GSTA4: variants seen among roughly 807,000 people sequenced by gnomAD.
The protein encoded by GSTA4 is glutathione S-transferase alpha 4.
Under a neutral mutation model 24.4 loss-of-function variants are expected in GSTA4, and 15 were observed. That is an observed-to-expected ratio of 0.61 (90% CI 0.41 to 0.95). GSTA4 has a LOEUF of 0.95. Ranked by LOEUF, GSTA4 falls within the 40% of genes least tolerant of loss-of-function variation. GSTA4 has a pLI of 0.00. For missense variants in GSTA4, 244 were observed against 262.1 expected (o/e 0.93, Z 0.48); for synonymous variants, 92 against 94.2 (o/e 0.98, Z 0.13).
At chr6:52,979,847 C>T (rs768103985) in intron 6 of GSTA4, among the ~76,000 whole-genome samples, 7 of 152,182 alleles carry the variant, frequency 4.6e-5, no homozygotes, top group Non-Finnish European at 1.0e-4. Flanking sequence ...TTAAGCTCTA[C>T]TTGTATGATT....
intron 2 of GSTA4, chr6:52,987,725 A>G (rs1763590265): frequency 4.2e-6 from 1 of 239,308 alleles, no homozygotes; most frequent in East Asian, 1.1e-4. Context: ...CTAGTGTTCG[A>G]TAGTACAGTA....
At position 52,978,565 on chromosome 6, in the gene GSTA4, G is replaced by C; in HGVS notation, c.574C>G (p.Pro192Ala). ...GGTTCAAGGAATCTCTTAATTGTAG[G>C]GATATTACTTAGTTTCACTGTGTAT... ...QEYTVKLSNI[P>A]TIKRFLEPGS... Residue 192 changes from proline (P) to alanine (A), a missense_variant, in exon 7 of 7, where the codon CCT (proline) becomes GCT (alanine). By Grantham distance (27) the Pro-to-Ala change is conservative. Coordinates refer to ENST00000370963, the MANE Select transcript of GSTA4 (RefSeq NM_001512.4). 6.2e-7 allele frequency: 1 copy of C among 1,609,742 alleles called. No homozygotes were observed. Among genetic ancestry groups the C allele is most frequent in the Middle Eastern group, 1.7e-4 (1 of 6,060 alleles).
At chr6:52,990,267 AG>A (rs1452950254) in intron 2 of GSTA4, among the ~76,000 whole-genome samples, 21 of 152,352 alleles carry the variant, frequency 1.4e-4, no homozygotes, top group African/African-American at 5.0e-4. Flanking sequence ...TTAGTGACCT[AG>A]TTACTCAGAT....
At chr6:52,986,080 T>C (rs1763550781) in intron 3 of GSTA4, among the ~76,000 whole-genome samples, 1 of 152,134 alleles carries the variant, frequency 6.6e-6, no homozygotes, top group South Asian at 2.1e-4. Flanking sequence ...CTAGCATTGT[T>C]ATAAACGTTC....
chr6:52,992,809 A>T (rs191688158), intron 2 of GSTA4, among the ~76,000 whole-genome samples: 24 of 152,276 alleles, frequency 1.6e-4, no homozygotes, highest in Non-Finnish European at 2.9e-5. Context: ...GTAAAAGGAC[A>T]TTAGCAAAGG....
chr6:52,984,619 A>G lies in GSTA4; in HGVS notation c.273-14T>C. 1 of 1,610,662 alleles carries G rather than the reference A, an allele frequency of 6.2e-7. No individual in the cohort carries two copies. Among genetic ancestry groups the G allele is most frequent in the Non-Finnish European group, 8.5e-7 (1 of 1,178,584 alleles). On this transcript the variant is annotated splice_polypyrimidine_tract_variant and intron_variant, in intron 4 of 6. Coordinates refer to ENST00000370963, the MANE Select transcript of GSTA4 (RefSeq NM_001512.4). Reference sequence around the variant, plus strand: ...TACATGTCAATCCTTAAAACAAAAAAGCAGTTGTCTCAGTTTCTCCTCTCT... The same window carrying G: ...TACATGTCAATCCTTAAAACAAAAAGGCAGTTGTCTCAGTTTCTCCTCTCT...
intron 6 of GSTA4, among the ~76,000 whole-genome samples, chr6:52,981,442 A>G (rs187752354): frequency 4.0e-4 from 61 of 152,344 alleles, no homozygotes; most frequent in African/African-American, 1.3e-3. Context: ...TATGGTCTCT[A>G]TCAGATCTAC....
Position 52,989,716 on chromosome 6 carries a change from T to C in GSTA4, c.88-2308A>G, listed in dbSNP as rs529646706. 1.2e-4 allele frequency among the ~76,000 whole-genome samples: 19 copies of C among 152,290 alleles called. No individual in the cohort carries two copies. The South Asian group carries it at 3.3e-3, about 27-fold the overall frequency. ...TGCTCGAAGCCTAGATGGTCAGATGTAGTGCAGGCAGTACTCCTGGATCAA... is the reference window on the plus strand; with the variant it reads ...TGCTCGAAGCCTAGATGGTCAGATGCAGTGCAGGCAGTACTCCTGGATCAA... On this transcript the variant is annotated intron_variant, in intron 2 of 6. Coordinates refer to ENST00000370963, the MANE Select transcript of GSTA4 (RefSeq NM_001512.4).
chr6:52,986,806 G>C (rs1478335705), intron 3 of GSTA4, among the ~76,000 whole-genome samples: 1 of 152,218 alleles, frequency 6.6e-6, no homozygotes, highest in Non-Finnish European at 1.5e-5. Context: ...GCTGCTCACA[G>C]GGTTGATGGG....
intron 2 of GSTA4, among the ~76,000 whole-genome samples, chr6:52,988,283 TAA>T (rs5876296): frequency 3.2e-3 from 463 of 146,406 alleles, no homozygotes; most frequent in Admixed American, 3.2e-3. Context: ...ATGATGATGC[TAA>T]AAAAAAAAAA....
In GSTA4 at chr6:52,995,255, T is replaced by G. The variant is rs1192108631; in HGVS notation, c.-25A>C. The G allele has an allele frequency of 1.3e-5, 2 of 151,890 alleles. No individual in the cohort carries two copies. Among genetic ancestry groups the G allele is most frequent in the African/African-American group, 4.8e-5 (2 of 41,284 alleles). The allele number at this position is 151,890 out of a possible 1,614,324, so 9.4% of individuals were successfully genotyped here. On this transcript the variant is annotated 5_prime_UTR_variant, in exon 1 of 7. Transcript: ENST00000370963. The stretch of plus-strand genomic sequence containing the variant: ...CCGCAGGAGGGAGACAGACCTGGAG[T>G]CCACTCGGAGGCCTGGAGCCGCACA...
intron 1 of GSTA4, among the ~76,000 whole-genome samples, chr6:52,994,684 T>A (rs768785315): frequency 1.3e-5 from 2 of 152,210 alleles, no homozygotes; most frequent in African/African-American, 2.4e-5. Context: ...CAAGTATTCA[T>A]GCTTTTACAT....
intron 5 of GSTA4, among the ~76,000 whole-genome samples, chr6:52,983,591 C>A (rs1428536129): frequency 6.6e-6 from 1 of 152,208 alleles, no homozygotes; most frequent in East Asian, 1.9e-4. Flanking sequence ...TTCATGACTT[C>A]ATTTCATTAT....
intron 6 of GSTA4, among the ~76,000 whole-genome samples, chr6:52,981,194 G>A (rs1168332205): frequency 1.3e-5 from 2 of 152,014 alleles, no homozygotes; most frequent in African/African-American, 4.8e-5. Flanking sequence ...TCATTTTCTG[G>A]GTGTACTTAT....
At chr6:52,978,857 T>C (rs1763395061) in intron 6 of GSTA4, among the ~76,000 whole-genome samples, 2 of 152,110 alleles carry the variant, frequency 1.3e-5, no homozygotes, top group Admixed American at 6.5e-5. Flanking sequence ...TAAGAAAGTT[T>C]ATGAATTTAT....
At chr6:52,982,734 AAT>A (rs1561983456) in intron 5 of GSTA4, 29 bp from the exon 6 acceptor site, 12 of 1,581,530 alleles carry the variant, frequency 7.6e-6, no homozygotes, top group Non-Finnish European at 1.0e-5. Flanking sequence ...CATCAGTTAC[AAT>A]ATTCCACATG....
chr6:52,982,076 A>T (rs1242379271), intron 6 of GSTA4, among the ~76,000 whole-genome samples: 2 of 152,192 alleles, frequency 1.3e-5, no homozygotes, highest in Admixed American at 1.3e-4. Flanking sequence ...GACTGTTTTG[A>T]TGTTTATCTC....
At chr6:52,983,765 C>T (rs1244698547) in intron 5 of GSTA4, among the ~76,000 whole-genome samples, 1 of 152,172 alleles carries the variant, frequency 6.6e-6, no homozygotes, top group Non-Finnish European at 1.5e-5. Context: ...TTTACATTCA[C>T]AAAGTGCCTG....
intron 2 of GSTA4, chr6:52,993,955 A>G (rs1489418203): frequency 4.5e-6 from 3 of 669,158 alleles, no homozygotes; most frequent in Non-Finnish European, 8.2e-6. Flanking sequence ...ATTAAGTAAA[A>G]GTCAAAAGGA....
Sources: gnomAD v4.1 joint callset for allele counts (sites outside exome capture counted in the v4.1 genomes callset) on GRCh38, gnomAD v4.1.1 for gene constraint, MANE v1.5 for transcripts, NCBI Gene and HGNC (gene_info 2026-07-23, HGNC 2026-07-21) for gene names.